The following BLTP2 variants were observed in gnomAD, a reference collection of about 807,000 sequenced individuals.
BLTP2 encodes bridge-like lipid transfer protein family member 2.
chr17:28,643,911 G>C, the BLTP2 span: 1 of 1,096,484 alleles, frequency 9.1e-7, no homozygotes, highest in East Asian at 2.4e-5. Context: ...TCTCCAACTA[G>C]CTCTAAGATC....
the BLTP2 span, among the ~76,000 whole-genome samples, chr17:28,641,210 G>A: frequency 6.6e-6 from 1 of 152,148 alleles, no homozygotes; most frequent in East Asian, 1.9e-4. Flanking sequence ...TGCAAATATT[G>A]GCATTTTCCA....
the BLTP2 span, among the ~76,000 whole-genome samples, chr17:28,625,334 C>CAAAAAAAAAAAAAAAAAAAAAAAAAAAA: frequency 6.9e-5 from 2 of 29,056 alleles, no homozygotes; most frequent in African/African-American, 1.2e-4. Flanking sequence ...GACTCCGTCT[C>CAAAAAAAAAAAAAAAAAAAAAAAAAAAA]AAAAAAAAAA....
At chr17:28,616,203 A>G in the BLTP2 span, 24 of 1,613,096 alleles carry the variant, frequency 1.5e-5, no homozygotes, top group Non-Finnish European at 1.6e-5. The surrounding 1 kb of genome is among the most constrained non-coding windows in gnomAD (Gnocchi z 4.8). Flanking sequence ...GGGTGCTAAG[A>G]AAGGCAGGCA....
chr17:28,628,933 CAAAA>C, the BLTP2 span, among the ~76,000 whole-genome samples: 1 of 116,978 alleles, frequency 8.5e-6, no homozygotes, highest in African/African-American at 3.2e-5. Flanking sequence ...GACGCAGTCT[CAAAA>C]AAAAAAAAAA....
At chr17:28,625,080 G>A in the BLTP2 span, among the ~76,000 whole-genome samples, 3 of 152,096 alleles carry the variant, frequency 2.0e-5, no homozygotes, top group African/African-American at 4.8e-5. Context: ...GCTCACGCCT[G>A]TAATCCCAGC....
At chr17:28,615,810 G>T in the BLTP2 span, 29 of 1,612,626 alleles carry the variant, frequency 1.8e-5, 1 homozygote, top group Admixed American at 1.7e-5. Context: ...TGTAAGAGGA[G>T]GGGGAGGGGA....
At chr17:28,626,299 C>T in the BLTP2 span, among the ~76,000 whole-genome samples, 1 of 152,240 alleles carries the variant, frequency 6.6e-6, no homozygotes, top group African/African-American at 2.4e-5. Context: ...CCCAGCTTTC[C>T]TTTCCAGTCC....
chr17:28,640,253 C>T, the BLTP2 span: 7 of 503,258 alleles, frequency 1.4e-5, no homozygotes, highest in South Asian at 4.2e-5. Context: ...ATTAGCCGGG[C>T]GTGGTGGCAC....
chr17:28,638,366 A>G, the BLTP2 span: 9 of 1,614,188 alleles, frequency 5.6e-6, no homozygotes, highest in Non-Finnish European at 7.6e-6. Flanking sequence ...GGTGGTCCAC[A>G]GTTAGGACGC....
At chr17:28,643,175 T>A in the BLTP2 span, 1 of 1,614,170 alleles carries the variant, frequency 6.2e-7, no homozygotes, top group Non-Finnish European at 8.5e-7. Context: ...TGGCAGAAGA[T>A]CTTCAATAAG....
At chr17:28,626,978 G>A in the BLTP2 span, among the ~76,000 whole-genome samples, 1 of 152,222 alleles carries the variant, frequency 6.6e-6, no homozygotes, top group Non-Finnish European at 1.5e-5. Context: ...ATATGAAGGA[G>A]AAGGGCGGGC....
chr17:28,617,185 G>T, the BLTP2 span: 1 of 1,495,950 alleles, frequency 6.7e-7, no homozygotes, highest in Non-Finnish European at 9.3e-7. Context: ...TAAATGCCCC[G>T]TGCTAAAAAC....
At chr17:28,615,333 A>G in the BLTP2 span, 6 of 1,204,046 alleles carry the variant, frequency 5.0e-6, no homozygotes, top group African/African-American at 3.1e-5. Context: ...ATAAAGATTT[A>G]TTAAACACAT....
At chr17:28,625,513 T>C in the BLTP2 span, among the ~76,000 whole-genome samples, 1 of 152,098 alleles carries the variant, frequency 6.6e-6, no homozygotes, top group Non-Finnish European at 1.5e-5. Context: ...GATACCTTAC[T>C]AGTGACGCAA....
the BLTP2 span, chr17:28,631,963 G>A: frequency 6.2e-7 from 1 of 1,609,422 alleles, no homozygotes; most frequent in East Asian, 2.2e-5. Context: ...TGGCATGAGA[G>A]GGATGATTAA....
the BLTP2 span, chr17:28,639,836 G>T: frequency 6.3e-7 from 1 of 1,583,168 alleles, no homozygotes; most frequent in Non-Finnish European, 8.7e-7. Context: ...ACCATATGGG[G>T]CATGAGCAAA....
chr17:28,636,883 A>T, the BLTP2 span: 3 of 1,128,472 alleles, frequency 2.7e-6, no homozygotes, highest in Non-Finnish European at 3.9e-6. Context: ...GGAAAAGACA[A>T]GAAAAAAAAA....
At chr17:28,631,008 C>T in the BLTP2 span, among the ~76,000 whole-genome samples, 1 of 152,128 alleles carries the variant, frequency 6.6e-6, no homozygotes, top group Non-Finnish European at 1.5e-5. Flanking sequence ...GACATACATG[C>T]TTGGAATATA....
chr17:28,640,627 G>A, the BLTP2 span: 1 of 1,613,962 alleles, frequency 6.2e-7, no homozygotes, highest in Non-Finnish European at 8.5e-7. Context: ...TGGTCTGGCA[G>A]CTGCTGGAGA....
Sources: gnomAD v4.1 joint callset for allele counts (sites outside exome capture counted in the v4.1 genomes callset) on GRCh38, gnomAD v4.1.1 for gene constraint, Gnocchi (gnomAD v3.1) non-coding constraint, MANE v1.5 for transcripts, NCBI Gene and HGNC (gene_info 2026-07-23, HGNC 2026-07-21) for gene names.